SH3BP2: variants seen among roughly 807,000 people sequenced by gnomAD.
SH3BP2 encodes the protein SH3 domain binding protein 2.
Under a neutral mutation model 56.2 loss-of-function variants are expected in SH3BP2, and 38 were observed. That is an observed-to-expected ratio of 0.68 (90% CI 0.52 to 0.89). SH3BP2 has a LOEUF of 0.89. Ranked by LOEUF, SH3BP2 falls within the 40% of genes least tolerant of loss-of-function variation. The pLI, the probability that SH3BP2 is intolerant of heterozygous loss-of-function variation, is 0.00. For missense variants in SH3BP2, 748 were observed against 762.6 expected (o/e 0.98, Z 0.23); for synonymous variants, 346 against 316.7 (o/e 1.09, Z -0.98).
At chr4:2,800,557 C>G (rs911827628) in intron 1 of SH3BP2, among the ~76,000 whole-genome samples, 9 of 152,100 alleles carry the variant, frequency 5.9e-5, no homozygotes, top group East Asian at 5.8e-4. Flanking sequence ...CCGCCCCCCC[C>G]CCGGGCTGAT....
At chr4:2,806,157 G>A (rs891789056) in intron 1 of SH3BP2, among the ~76,000 whole-genome samples, 3 of 152,194 alleles carry the variant, frequency 2.0e-5, no homozygotes, top group Non-Finnish European at 2.9e-5. Flanking sequence ...CGCTGACCAC[G>A]GCTCTATTCT....
chr4:2,837,290 A>G lies in SH3BP2; in HGVS notation c.*3456A>G, dbSNP rs1043668599. On this transcript the variant is annotated 3_prime_UTR_variant, in exon 13 of 13. Coordinates refer to ENST00000503393, the MANE Select transcript of SH3BP2 (RefSeq NM_001122681.2). Reference sequence around the variant, plus strand: ...CTGATCCGCCCACCTTGGCCTCCCAAGTGCTGGGATTACAGGCGCGAGCCA... The same window carrying G: ...CTGATCCGCCCACCTTGGCCTCCCAGGTGCTGGGATTACAGGCGCGAGCCA... 6.6e-6 allele frequency: 1 copy of G among 152,236 alleles called. No homozygotes were observed. Among genetic ancestry groups the G allele is most frequent in the Non-Finnish European group, 1.5e-5 (1 of 68,068 alleles). 9.4% of individuals were successfully genotyped at this position (152,236 alleles called of 1,614,324 possible). A position where few individuals can be genotyped will look rare whatever the true frequency, so the allele number is the denominator to read the frequency against.
chr4:2,797,291 C>T (rs1219839032), intron 1 of SH3BP2, among the ~76,000 whole-genome samples: 29 of 152,168 alleles, frequency 1.9e-4, no homozygotes, highest in Non-Finnish European at 1.3e-4. Flanking sequence ...TTTTCTCAGC[C>T]TTGGGAGTCT....
intron 5 of SH3BP2, chr4:2,826,985 A>C: frequency 3.0e-6 from 2 of 658,020 alleles, no homozygotes; most frequent in Non-Finnish European, 2.8e-6. Context: ...TTGTCAGAGT[A>C]TGTGTGCATG....
intron 7 of SH3BP2, 76 bp downstream of exon 7, chr4:2,827,750 C>T (rs1371532419): frequency 2.3e-6 from 3 of 1,315,610 alleles, no homozygotes; most frequent in South Asian, 1.3e-5. Context: ...AGAGCCCCTC[C>T]GAGGCTGGGG....
At chr4:2,818,409 CCCCCGAG>C in intron 1 of SH3BP2, 2 of 1,154,374 alleles carry the variant, frequency 1.7e-6, no homozygotes, top group Non-Finnish European at 2.1e-6. Context: ...CGAGCCCCGG[CCCCCGAG>C]CCCCGGGACC....
At chr4:2,826,893 C>T (rs1182771486) in intron 5 of SH3BP2, 3 of 525,734 alleles carry the variant, frequency 5.7e-6, no homozygotes, top group Non-Finnish European at 1.1e-5. Context: ...GCGCGTGTCC[C>T]TGTGTCTTTG....
In SH3BP2 at chr4:2,829,658, C is replaced by T; in HGVS notation, c.752C>T (p.Ala251Val). ...KHGLPDVGLA[A>V]EDSKRDPLCP... ...GGCCTCCCAGATGTTGGCCTGGCTG[C>T]TGAGGACTCCAAGAGGGACCCACTG... Residue 251 changes from alanine (A) to valine (V), a missense_variant, in exon 8 of 13, where the codon GCT becomes GTT. By Grantham distance (64) the Ala-to-Val change is moderately conservative. Coordinates refer to ENST00000503393, the MANE Select transcript of SH3BP2 (RefSeq NM_001122681.2). The surrounding 1 kb of genome is among the most constrained non-coding windows in gnomAD (Gnocchi z 4.9). 6.2e-7 allele frequency: 1 copy of T among 1,613,084 alleles called. No individual in the cohort carries two copies. The highest frequency in any genetic ancestry group is 8.5e-7 in the Non-Finnish European group (1 of 1,179,848).
intron 6 of SH3BP2, 124 bp downstream of exon 6, chr4:2,827,442 A>G (rs2108735679): frequency 8.5e-7 from 1 of 1,182,482 alleles, no homozygotes; most frequent in Admixed American, 1.8e-5. Flanking sequence ...GGCAGTGCGC[A>G]GTAGCATCCC....
In SH3BP2 at chr4:2,840,784, A is replaced by G. The variant is rs956561922; in HGVS notation, c.*6950A>G. The G allele has an allele frequency of 2.6e-5, 4 of 152,216 alleles. No individual in the cohort carries two copies. Among genetic ancestry groups the G allele is most frequent in the East Asian group, 1.9e-4 (1 of 5,202 alleles). The allele number at this position is 152,216 out of a possible 1,614,324, so 9.4% of individuals were successfully genotyped here. On this transcript the variant is annotated 3_prime_UTR_variant, in exon 13 of 13. Transcript: ENST00000503393. ...GTTTGGGAATTTATTATAGCTATCA[A>G]TCAGTTTTGGGAAAATTGACGTCTT...
At chr4:2,817,783 G>A (rs1035403698) in intron 1 of SH3BP2, 1 of 152,236 alleles carries the variant, frequency 6.6e-6, no homozygotes, top group Middle Eastern at 3.1e-3. Flanking sequence ...CGGGGCACGT[G>A]CCCGATCCCT....
At chr4:2,807,898 T>C (rs924971168) in intron 1 of SH3BP2, among the ~76,000 whole-genome samples, 1 of 152,138 alleles carries the variant, frequency 6.6e-6, no homozygotes, top group African/African-American at 2.4e-5. Context: ...TGTGGGCACC[T>C]GCGGAGGCAA....
At position 2,833,936 on chromosome 4, in the gene SH3BP2, G is replaced by T. The variant is rs183257237; in HGVS notation, c.*102G>T. 1.8e-3 allele frequency: 2,431 copies of T among 1,359,734 alleles called. 4 individuals are homozygous for T. Among genetic ancestry groups the T allele is most frequent in the Non-Finnish European group, 2.0e-3 (2,025 of 1,009,882 alleles). The allele number at this position is 1,359,734 out of a possible 1,614,324, so 84.2% of individuals were successfully genotyped here. A position where few individuals can be genotyped will look rare whatever the true frequency, so the allele number is the denominator to read the frequency against. ...ACATGGGAGGGTGAGCAGGAGCAAG[G>T]CTGTGCTTGCCTAGGGCCTCTGTGA... On this transcript the variant is annotated 3_prime_UTR_variant, in exon 13 of 13. Transcript: ENST00000503393.
rs1464726479 is a variant in SH3BP2 at position 2,833,975 on chromosome 4, G to A, written c.*141G>A. 14 of 1,026,922 alleles carry A rather than the reference G, an allele frequency of 1.4e-5. No individual in the cohort carries two copies. Among genetic ancestry groups the A allele is most frequent in the Admixed American group, 1.3e-4 (5 of 37,666 alleles). 63.6% of individuals were successfully genotyped at this position (1,026,922 alleles called of 1,614,324 possible). A position where few individuals can be genotyped will look rare whatever the true frequency, so the allele number is the denominator to read the frequency against. On this transcript the variant is annotated 3_prime_UTR_variant, in exon 13 of 13. Transcript: ENST00000503393. ...GGGCCTCTGTGATGGACATCTCGTA[G>A]GACCCAGCCAGTCTCATCCAGCAGG...
At chr4:2,822,531 G>A (rs1560105393) in intron 2 of SH3BP2, among the ~76,000 whole-genome samples, 6 of 152,158 alleles carry the variant, frequency 3.9e-5, no homozygotes, top group Admixed American at 3.9e-4. Flanking sequence ...CACTGCACCC[G>A]GCCTTAGTCC....
At chr4:2,817,754 A>G (rs905496768) in intron 1 of SH3BP2, 1 of 152,182 alleles carries the variant, frequency 6.6e-6, no homozygotes, top group Non-Finnish European at 1.5e-5. Context: ...GTCCCGCAGG[A>G]AAGTGGAGAA....
At chr4:2,801,382 G>C (rs1026757682) in intron 1 of SH3BP2, among the ~76,000 whole-genome samples, 9 of 152,364 alleles carry the variant, frequency 5.9e-5, no homozygotes, top group African/African-American at 2.2e-4. Context: ...GGCTGAGGAG[G>C]AACACACAGC....
chr4:2,824,467 G>A, intron 3 of SH3BP2, 146 bp from the exon 4 acceptor site: 2 of 675,660 alleles, frequency 3.0e-6, no homozygotes, highest in South Asian at 1.6e-5. Context: ...TCACTACTGG[G>A]AGCATCAGCA....
intron 1 of SH3BP2, 91 bp from the exon 2 acceptor site, chr4:2,820,523 C>T (rs1724242934): frequency 6.6e-7 from 1 of 1,520,960 alleles, no homozygotes; most frequent in East Asian, 2.3e-5. Context: ...AAGCTGTGTC[C>T]TGGATCTTGG....
Sources: gnomAD v4.1 joint callset for allele counts (sites outside exome capture counted in the v4.1 genomes callset) on GRCh38, gnomAD v4.1.1 for gene constraint, Gnocchi (gnomAD v3.1) non-coding constraint, MANE v1.5 for transcripts, NCBI Gene and HGNC (gene_info 2026-07-23, HGNC 2026-07-21) for gene names.